NDE1: variants seen among roughly 807,000 people sequenced by gnomAD.
The protein encoded by NDE1 is nudE neurodevelopment protein 1.
Under a neutral mutation model 43.4 loss-of-function variants are expected in NDE1, and 28 were observed. The ratio of observed to expected loss-of-function variants is 0.65; its 90% confidence interval spans 0.48 to 0.89. The LOEUF (loss-of-function observed/expected upper bound fraction) is 0.89. Among genes scored for constraint, NDE1 ranks in the 40% least tolerant of loss-of-function variants. NDE1 has a pLI of 0.00. For synonymous variants in NDE1, 184 were observed against 172.0 expected, an observed-to-expected ratio of 1.07 and a Z score of -0.55; for missense variants, 441 against 434.1, an observed-to-expected ratio of 1.02 and a Z score of -0.14.
intron 8 of NDE1, chr16:15,712,935 CCTCT>C (rs1453722751): frequency 1.4e-5 from 2 of 142,466 alleles, no homozygotes; most frequent in East Asian, 4.3e-4. Context: ...TGGACTGCAA[CCTCT>C]CTCTCCCGGT....
intron 8 of NDE1, among the ~76,000 whole-genome samples, chr16:15,697,795 GTTTTT>G (rs563392527): frequency 6.9e-6 from 1 of 145,712 alleles, no homozygotes; most frequent in East Asian, 2.0e-4. Context: ...TTCCCCTGAA[GTTTTT>G]TTTTTTGTTT....
At chr16:15,686,698 A>T in intron 4 of NDE1, 1 of 287,128 alleles carries the variant, frequency 3.5e-6, no homozygotes, top group Non-Finnish European at 5.2e-6. Context: ...ATGTTGTTAT[A>T]TGTGTTTATT....
chr16:15,680,950 C>T (rs1358082183), intron 4 of NDE1, among the ~76,000 whole-genome samples: 2 of 151,598 alleles, frequency 1.3e-5, no homozygotes, highest in South Asian at 2.1e-4. Context: ...CAAATATTTC[C>T]TTTTTTCTCT....
intron 4 of NDE1, among the ~76,000 whole-genome samples, chr16:15,678,981 C>T (rs1323924042): frequency 6.6e-6 from 1 of 151,914 alleles, no homozygotes; most frequent in Non-Finnish European, 1.5e-5. Flanking sequence ...GAGGCTGAGG[C>T]AGGAGAATGA....
At chr16:15,694,475 A>G (rs1196943042) in intron 7 of NDE1, 1 of 1,300,018 alleles carries the variant, frequency 7.7e-7, no homozygotes, top group African/African-American at 1.5e-5. Flanking sequence ...CTTCCCGAGG[A>G]GCTTGGACCA....
intron 3 of NDE1, 22 bp downstream of exon 3, chr16:15,667,461 T>C (rs776166424): frequency 2.5e-6 from 4 of 1,613,016 alleles, no homozygotes; most frequent in Admixed American, 1.7e-5. Flanking sequence ...AGAGGAAGTG[T>C]GCTCAGGTGT....
intron 8 of NDE1, chr16:15,713,648 A>C (rs994240942): frequency 2.6e-5 from 4 of 152,258 alleles, no homozygotes; most frequent in Non-Finnish European, 5.9e-5. Context: ...GGTTTGCGCC[A>C]TCCCACCTGG....
At chr16:15,700,440 CT>C (rs35417898) in intron 8 of NDE1, 249 of 136,914 alleles carry the variant, frequency 1.8e-3, no homozygotes, top group Middle Eastern at 4.0e-3. Context: ...CCTGATTGGT[CT>C]TTTTTTTTTT....
intron 5 of NDE1, among the ~76,000 whole-genome samples, chr16:15,689,617 C>A (rs140127801): frequency 5.6e-4 from 85 of 152,266 alleles, no homozygotes; most frequent in African/African-American, 1.9e-3. Flanking sequence ...TCAGTAGATA[C>A]ATACATATGT....
In NDE1 at chr16:15,696,737, G is replaced by A. The variant is rs772930723; in HGVS notation, c.824G>A (p.Arg275Gln). Reference protein sequence around the residue: ...GALESKLASCRNLVYDQSPNR... With the variant: ...GALESKLASCQNLVYDQSPNR... ...CTGGAGTCCAAACTCGCTTCCTGCCGGAACCTCGTGTACGATCAGTCCCCA... is the reference window on the plus strand; with the variant it reads ...CTGGAGTCCAAACTCGCTTCCTGCCAGAACCTCGTGTACGATCAGTCCCCA... Residue 275 changes from arginine (R) to glutamine (Q), a missense_variant, in exon 8 of 9, where the codon CGG (arginine) becomes CAG (glutamine). Transcript: ENST00000396354. The A allele has an allele frequency of 1.1e-5, 18 of 1,614,030 alleles. No homozygotes were observed. Among genetic ancestry groups the A allele is most frequent in the East Asian group, 6.7e-5 (3 of 44,880 alleles).
intron 4 of NDE1, chr16:15,683,384 C>T (rs1206748772): frequency 6.6e-6 from 1 of 152,040 alleles, no homozygotes; most frequent in Non-Finnish European, 1.5e-5. Flanking sequence ...AGCTCTGTTA[C>T]CCAGGCTGGA....
chr16:15,697,125 C>A, intron 8 of NDE1: 1 of 927,460 alleles, frequency 1.1e-6, no homozygotes. Context: ...CATGGCTCAC[C>A]CTCTGCCTCC....
chr16:15,720,767 A>G, intron 8 of NDE1: 4 of 1,488,524 alleles, frequency 2.7e-6, no homozygotes, highest in Non-Finnish European at 3.7e-6. Flanking sequence ...TTCCACACCA[A>G]CCATGAGAGT....
chr16:15,655,812 A>C (rs1376332037), intron 1 of NDE1, among the ~76,000 whole-genome samples: 1 of 151,920 alleles, frequency 6.6e-6, no homozygotes, highest in Non-Finnish European at 1.5e-5. Flanking sequence ...AAAAATGATG[A>C]GTTCATGTCC....
chr16:15,691,308 G>T lies in NDE1; in HGVS notation c.688G>T (p.Gly230Trp). 1 of 1,614,058 alleles carries T rather than the reference G, an allele frequency of 6.2e-7. No individual in the cohort carries two copies. The highest frequency in any genetic ancestry group is 8.5e-7 in the Non-Finnish European group (1 of 1,180,006). ...ACCCAGCTCAAGTTTAAACACACCT[G>T]GGAGCTTCAGACGTGGTAAGGGGAG... ...RGPSSSLNTP[G>W]SFRRGLDDST... is the part of the protein sequence containing the mutation. Residue 230 changes from glycine (G) to tryptophan (W), a missense_variant, in exon 6 of 9, where the codon GGG becomes TGG. Transcript: ENST00000396354.
intron 1 of NDE1, among the ~76,000 whole-genome samples, chr16:15,659,581 C>T (rs889958477): frequency 3.3e-5 from 5 of 150,386 alleles, no homozygotes; most frequent in East Asian, 2.0e-4. Context: ...GGATTACAGG[C>T]GCACACCACC....
intron 8 of NDE1, chr16:15,714,550 CG>C (rs896541346): frequency 3.2e-5 from 13 of 406,630 alleles, no homozygotes; most frequent in East Asian, 2.1e-4. Context: ...GGTGAAGTGG[CG>C]GGGGGTGGTG....
At chr16:15,686,965 G>A in intron 4 of NDE1, 1 of 985,174 alleles carries the variant, frequency 1.0e-6, no homozygotes, top group Non-Finnish European at 1.2e-6. Context: ...CCAAAGGGCT[G>A]GGATTACAGG....
intron 3 of NDE1, among the ~76,000 whole-genome samples, chr16:15,674,338 G>C (rs534256625): frequency 3.3e-5 from 5 of 152,186 alleles, no homozygotes; most frequent in Non-Finnish European, 7.4e-5. Flanking sequence ...CCGCCTCCTG[G>C]GTTCAAGCGA....
Sources: gnomAD v4.1 joint callset for allele counts (sites outside exome capture counted in the v4.1 genomes callset) on GRCh38, gnomAD v4.1.1 for gene constraint, MANE v1.5 for transcripts, NCBI Gene and HGNC (gene_info 2026-07-23, HGNC 2026-07-21) for gene names.